WWC2: variants seen among roughly 807,000 people sequenced by gnomAD.
The protein encoded by WWC2 is WW and C2 domain containing 2.
A neutral mutation model predicts 138.5 loss-of-function variants in WWC2; 101 were observed. The observed-to-expected ratio is 0.73, with a 90% CI of 0.62 to 0.86. The LOEUF (loss-of-function observed/expected upper bound fraction) is 0.86. WWC2 is among the 40% of genes least tolerant of loss of function. The pLI is 0.00. For missense variants in WWC2, 1,420 were observed against 1,419.4 expected, an observed-to-expected ratio of 1.00 and a Z score of -0.01; for synonymous variants, 558 against 538.4, an observed-to-expected ratio of 1.04 and a Z score of -0.50.
chr4:183,209,147 C>T (rs1021731177), intron 4 of WWC2, 122 bp downstream of exon 4: 3 of 639,632 alleles, frequency 4.7e-6, no homozygotes, highest in Non-Finnish European at 8.2e-6. Flanking sequence ...CCCCTTATCT[C>T]TGATGAGTGG....
At chr4:183,129,084 A>T (rs1732845331) in intron 1 of WWC2, among the ~76,000 whole-genome samples, 1 of 152,240 alleles carries the variant, frequency 6.6e-6, no homozygotes, top group Non-Finnish European at 1.5e-5. Context: ...GTGATTTCAT[A>T]TGATCAGAAG....
chr4:183,252,751 A>G (rs1360481819), intron 8 of WWC2, among the ~76,000 whole-genome samples: 1 of 152,170 alleles, frequency 6.6e-6, no homozygotes, highest in African/African-American at 2.4e-5. Context: ...TGCTCAGTAA[A>G]TGGCTTGTAC....
chr4:183,161,681 C>T (rs963524852), intron 1 of WWC2, among the ~76,000 whole-genome samples: 6 of 152,120 alleles, frequency 3.9e-5, no homozygotes, highest in African/African-American at 9.7e-5. Flanking sequence ...CTTACCATTG[C>T]GTTACAGTTG....
At chr4:183,143,697 A>G (rs1240847549) in intron 1 of WWC2, among the ~76,000 whole-genome samples, 5 of 151,800 alleles carry the variant, frequency 3.3e-5, no homozygotes, top group Non-Finnish European at 7.4e-5. Flanking sequence ...GGTCCCAGCT[A>G]CTTGGGAGGC....
At chr4:183,266,151 ATTCT>A (rs1056486280) in intron 14 of WWC2, among the ~76,000 whole-genome samples, 200 bp downstream of exon 14, 4 of 152,194 alleles carry the variant, frequency 2.6e-5, no homozygotes, top group African/African-American at 7.2e-5. Flanking sequence ...TACTCAACTG[ATTCT>A]TTCTAAGAGT....
chr4:183,131,344 G>C (rs1038715391), intron 1 of WWC2, among the ~76,000 whole-genome samples: 7 of 151,942 alleles, frequency 4.6e-5, no homozygotes, highest in South Asian at 2.1e-4. Flanking sequence ...TCTTAGACAT[G>C]ATACCAAAGC....
At chr4:183,152,890 A>T (rs1006202409) in intron 1 of WWC2, among the ~76,000 whole-genome samples, 1 of 152,084 alleles carries the variant, frequency 6.6e-6, no homozygotes, top group East Asian at 1.9e-4. Context: ...CTCAAAAAAA[A>T]ATAAAAAATA....
At chr4:183,202,284 A>T (rs1215295647) in intron 2 of WWC2, among the ~76,000 whole-genome samples, 1 of 152,130 alleles carries the variant, frequency 6.6e-6, no homozygotes, top group East Asian at 1.9e-4. Context: ...CTGTTGGTTT[A>T]CATATGAAGG....
intron 6 of WWC2, 83 bp downstream of exon 6, chr4:183,245,628 C>T: frequency 1.4e-6 from 2 of 1,416,006 alleles, no homozygotes; most frequent in Non-Finnish European, 1.9e-6. Flanking sequence ...AGTGCTCCCT[C>T]AGAGTCTGGA....
intron 9 of WWC2, among the ~76,000 whole-genome samples, chr4:183,256,919 C>T (rs1324781995): frequency 3.4e-5 from 5 of 145,074 alleles, no homozygotes; most frequent in South Asian, 2.3e-4. Context: ...TGTTCCTGCC[C>T]CCACAGGGCT....
chr4:183,156,725 AAAGCT>A (rs1343459321), intron 1 of WWC2, among the ~76,000 whole-genome samples: 1 of 152,216 alleles, frequency 6.6e-6, no homozygotes, highest in East Asian at 1.9e-4. Context: ...TACACATTGG[AAAGCT>A]AAGTACAATT....
intron 21 of WWC2, among the ~76,000 whole-genome samples, chr4:183,305,034 A>G (rs11730648): frequency 0.14 from 20,772 of 152,238 alleles, 1,753 homozygotes; most frequent in Non-Finnish European, 0.19. Flanking sequence ...ACAGATGGAC[A>G]TCATAAGGAG....
At chr4:183,290,697 C>T (rs1251368619) in intron 21 of WWC2, among the ~76,000 whole-genome samples, 7 of 152,098 alleles carry the variant, frequency 4.6e-5, no homozygotes, top group Non-Finnish European at 7.4e-5. Context: ...TAGAATTTTC[C>T]ACATAGCTGA....
At chr4:183,242,556 G>A (rs79154894) in intron 5 of WWC2, among the ~76,000 whole-genome samples, 2,929 of 152,286 alleles carry the variant, frequency 0.019, 113 homozygotes, top group African/African-American at 0.067. Context: ...GAAGATGCCT[G>A]TTTCCATTTG....
At chr4:183,245,574 A>G in intron 6 of WWC2, 29 bp downstream of exon 6, 1 of 1,544,196 alleles carries the variant, frequency 6.5e-7, no homozygotes, top group Non-Finnish European at 8.7e-7. Flanking sequence ...TGTTAAGCCA[A>G]ACTTCTACCT....
chr4:183,297,503 G>A (rs1343704918), intron 21 of WWC2, among the ~76,000 whole-genome samples: 10 of 151,354 alleles, frequency 6.6e-5, no homozygotes, highest in African/African-American at 1.9e-4. Flanking sequence ...TCTACCTCGC[G>A]GGTTCAAGCA....
chr4:183,255,069 G>C (rs1235441983), intron 9 of WWC2, among the ~76,000 whole-genome samples: 2 of 152,222 alleles, frequency 1.3e-5, no homozygotes, highest in Non-Finnish European at 2.9e-5. Flanking sequence ...TGACTTCTGT[G>C]GGTTAAAATG....
chr4:183,238,704 T>C (rs1736510734), intron 4 of WWC2, among the ~76,000 whole-genome samples: 2 of 152,186 alleles, frequency 1.3e-5, no homozygotes, highest in Admixed American at 1.3e-4. Context: ...ATTGAAACAC[T>C]GTTTCCTCAG....
chr4:183,208,286 C>G, intron 3 of WWC2, 130 bp downstream of exon 3: 2 of 986,784 alleles, frequency 2.0e-6, no homozygotes, highest in Non-Finnish European at 2.9e-6. Flanking sequence ...TCTCTCAAAA[C>G]CATTGAGAGG....
Sources: gnomAD v4.1 joint callset for allele counts (sites outside exome capture counted in the v4.1 genomes callset) on GRCh38, gnomAD v4.1.1 for gene constraint, MANE v1.5 for transcripts, NCBI Gene and HGNC (gene_info 2026-07-23, HGNC 2026-07-21) for gene names.